Variants in PCDH9 observed in about 807,000 individuals in gnomAD.
PCDH9 encodes protocadherin-9.
Under a neutral mutation model 70.6 loss-of-function variants are expected in PCDH9, and 24 were observed. That is an observed-to-expected ratio of 0.34 (90% CI 0.25 to 0.48). The LOEUF (loss-of-function observed/expected upper bound fraction) is 0.48. Ranked by LOEUF, PCDH9 falls within the 20% of genes least tolerant of loss-of-function variation. PCDH9 has a pLI of 0.99. For missense variants in PCDH9, 1,281 were observed against 1,503.6 expected (o/e 0.85, Z 2.45); for synonymous variants, 562 against 558.5 (o/e 1.01, Z -0.09).
At chr13:66,668,293 T>A (rs1416728474) in intron 3 of PCDH9, among the ~76,000 whole-genome samples, 1 of 152,166 alleles carries the variant, frequency 6.6e-6, no homozygotes, top group South Asian at 2.1e-4. Flanking sequence ...GCATACATGA[T>A]TTTTGTCAAC....
At chr13:66,824,246 T>C (rs1337883107) in intron 3 of PCDH9, among the ~76,000 whole-genome samples, 2 of 146,040 alleles carry the variant, frequency 1.4e-5, no homozygotes, top group Non-Finnish European at 1.5e-5. Context: ...TTATCCTTAT[T>C]GATTTGCCAA....
chr13:66,555,094 G>A (rs984123494), intron 4 of PCDH9, among the ~76,000 whole-genome samples: 3 of 151,960 alleles, frequency 2.0e-5, no homozygotes, highest in South Asian at 2.1e-4. Context: ...GCTTGAACCC[G>A]GGAGGCGGAG....
chr13:66,739,961 G>A (rs1020038642), intron 3 of PCDH9, among the ~76,000 whole-genome samples: 18 of 151,114 alleles, frequency 1.2e-4, no homozygotes, highest in African/African-American at 2.2e-4. Flanking sequence ...GGATACCCAG[G>A]AATTGAATTC....
intron 2 of PCDH9, among the ~76,000 whole-genome samples, chr13:67,135,058 T>C (rs1034524871): frequency 6.6e-6 from 1 of 152,108 alleles, no homozygotes; most frequent in African/African-American, 2.4e-5. Flanking sequence ...TTATCTACTA[T>C]TCCTAATAAT....
chr13:66,328,600 C>T (rs367838202), intron 4 of PCDH9, among the ~76,000 whole-genome samples: 2 of 152,084 alleles, frequency 1.3e-5, no homozygotes, highest in Non-Finnish European at 2.9e-5. Flanking sequence ...AGTTGACGTC[C>T]GTATGTCTTA....
At chr13:66,357,307 GA>G (rs2138185578) in intron 4 of PCDH9, among the ~76,000 whole-genome samples, 1 of 152,118 alleles carries the variant, frequency 6.6e-6, no homozygotes, top group East Asian at 1.9e-4. Flanking sequence ...AACAGATAGT[GA>G]AAGGTTTAAA....
chr13:66,381,873 T>C (rs1242995969), intron 4 of PCDH9, among the ~76,000 whole-genome samples: 1 of 152,166 alleles, frequency 6.6e-6, no homozygotes, highest in Non-Finnish European at 1.5e-5. Context: ...AGACAGGAGT[T>C]TTTAAGTTGA....
At chr13:67,061,379 CTGTT>C (rs34633342) in intron 2 of PCDH9, among the ~76,000 whole-genome samples, 55,388 of 151,328 alleles carry the variant, frequency 0.37, 10,517 homozygotes, top group East Asian at 0.64. Flanking sequence ...TTCTGTCTGT[CTGTT>C]TGTCTGTCTC....
chr13:66,742,418 A>T (rs2079280429), intron 3 of PCDH9, among the ~76,000 whole-genome samples: 1 of 123,002 alleles, frequency 8.1e-6, no homozygotes, highest in African/African-American at 3.3e-5. Context: ...ATTACCATTC[A>T]GGACATAGGC....
At position 66,449,636 on chromosome 13, in the gene PCDH9, A is replaced by G. The variant is rs149689782; in HGVS notation, c.3341-144608T>C. On this transcript the variant is annotated intron_variant, in intron 4 of 4. Transcript: ENST00000377865. ...TAAAGCTAAATAAAATGTTTTAAAT[A>G]CATATAAATGCATACATAAGATCAA... 8.0e-3 allele frequency among the ~76,000 whole-genome samples: 1,214 copies of G among 152,328 alleles called. 14 individuals carry two copies. Among genetic ancestry groups the G allele is most frequent in the Non-Finnish European group, 0.013 (904 of 68,024 alleles).
chr13:66,578,613 G>A (rs1461033779), intron 4 of PCDH9, among the ~76,000 whole-genome samples: 1 of 151,930 alleles, frequency 6.6e-6, no homozygotes, highest in East Asian at 1.9e-4. Context: ...ATTTTACAAA[G>A]AAAAGAACAA....
intron 2 of PCDH9, chr13:67,201,346 T>C (rs1440434708): frequency 6.6e-6 from 1 of 152,046 alleles, no homozygotes; most frequent in Non-Finnish European, 1.5e-5. Context: ...CTTTAAATAC[T>C]TTATATATTC....
At chr13:66,526,224 T>C (rs1296573449) in intron 4 of PCDH9, among the ~76,000 whole-genome samples, 1 of 152,152 alleles carries the variant, frequency 6.6e-6, no homozygotes, top group East Asian at 1.9e-4. Context: ...AATAATGCTA[T>C]TTATTTTAAT....
In PCDH9 at chr13:67,124,580, A is replaced by G. The variant is rs139437661; in HGVS notation, c.3036+100825T>C. 6.8e-3 allele frequency among the ~76,000 whole-genome samples: 1,036 copies of G among 152,310 alleles called. 3 individuals carry two copies. The highest frequency in any genetic ancestry group is 0.034 in the Middle Eastern group (10 of 294). On this transcript the variant is annotated intron_variant, in intron 2 of 4. Transcript: ENST00000377865. ...ACAATAAACATATTGTTGGCTGCCCAGTATTAATTTATGATAGACTCAAAG... is the reference window on the plus strand; with the variant it reads ...ACAATAAACATATTGTTGGCTGCCCGGTATTAATTTATGATAGACTCAAAG...
At chr13:67,068,641 C>T (rs1272355598) in intron 2 of PCDH9, among the ~76,000 whole-genome samples, 3 of 152,124 alleles carry the variant, frequency 2.0e-5, no homozygotes, top group Non-Finnish European at 4.4e-5. Context: ...TGCGTTTGAT[C>T]CCAAACCTCA....
chr13:67,103,516 A>T (rs1184904292), intron 2 of PCDH9, among the ~76,000 whole-genome samples: 2 of 152,232 alleles, frequency 1.3e-5, no homozygotes, highest in African/African-American at 4.8e-5. Flanking sequence ...AAACCTCTAA[A>T]TCCAATATAA....
At chr13:66,416,487 A>T (rs938945065) in intron 4 of PCDH9, among the ~76,000 whole-genome samples, 1 of 152,198 alleles carries the variant, frequency 6.6e-6, no homozygotes, top group Non-Finnish European at 1.5e-5. Flanking sequence ...ATACTTTTAT[A>T]AATGTCTAAA....
At chr13:66,371,842 A>G (rs1300930415) in intron 4 of PCDH9, among the ~76,000 whole-genome samples, 3 of 152,084 alleles carry the variant, frequency 2.0e-5, no homozygotes, top group Non-Finnish European at 4.4e-5. Flanking sequence ...GCAGAAGTCA[A>G]ACTTTTTGGT....
intron 3 of PCDH9, among the ~76,000 whole-genome samples, chr13:66,779,497 G>T (rs1168558540): frequency 6.6e-6 from 1 of 152,082 alleles, no homozygotes; most frequent in Non-Finnish European, 1.5e-5. Context: ...AAAATATATT[G>T]CACGATCTCA....
Sources: allele counts gnomAD v4.1 joint callset (sites outside exome capture counted in the v4.1 genomes callset), GRCh38; gene constraint gnomAD v4.1.1; transcripts MANE v1.5; gene names NCBI Gene and HGNC (gene_info 2026-07-23, HGNC 2026-07-21).